The following CUX1 variants were observed in gnomAD, a reference collection of about 807,000 sequenced individuals.
CUX1 encodes cut like homeobox 1, also known as protein CASP.
A neutral mutation model predicts 158.8 loss-of-function variants in CUX1; 31 were observed. That is an observed-to-expected ratio of 0.20 (90% CI 0.15 to 0.26). CUX1 has a LOEUF of 0.26. Ranked by LOEUF, CUX1 falls within the 10% of genes least tolerant of loss-of-function variation. The probability of loss-of-function intolerance (pLI) is 1.00; values close to 1 mark genes in which losing one functional copy is unlikely to be tolerated. For missense variants in CUX1, 1,589 were observed against 2,014.6 expected (o/e 0.79, Z 4.04); for synonymous variants, 879 against 862.1 (o/e 1.02, Z -0.34).
In CUX1 at chr7:102,255,003, T is replaced by C. The variant is rs1176770384; in HGVS notation, c.*5961T>C. The C allele has an allele frequency of 2.0e-6, 2 of 985,262 alleles. No individual in the cohort carries two copies. The highest frequency in any genetic ancestry group is 2.4e-6 in the Non-Finnish European group (2 of 829,972). The allele number at this position is 985,262 out of a possible 1,614,324, so 61.0% of individuals were successfully genotyped here. On this transcript the variant is annotated 3_prime_UTR_variant, in exon 24 of 24. Transcript: ENST00000292535. ...GCTGAAAGTTAAGTCCACCAACCCT[T>C]GGGCTTAATCAGGACGGAAGAGGAG...
rs1820270642 is a variant in CUX1, at chr7:102,028,199, CT to C, written c.189+59del. 5 of 1,575,394 alleles carry C rather than the reference CT, an allele frequency of 3.2e-6. No homozygotes were observed. The South Asian group carries it at 5.6e-5, about 18-fold the overall frequency. On this transcript the variant is annotated intron_variant, in intron 3 of 23. Coordinates refer to ENST00000292535, the MANE Select transcript of CUX1 (RefSeq NM_181552.4). ...GAGCCACCCTTCGTGGCTAATTGGT[CT>C]TTTTATTCACATTAAAGAAATGCTC... is the stretch of plus-strand genomic sequence containing the variant.
chr7:102,000,594 G>A (rs1044286668), intron 2 of CUX1, among the ~76,000 whole-genome samples: 5 of 152,162 alleles, frequency 3.3e-5, no homozygotes, highest in East Asian at 1.9e-4. Context: ...GCCAGATCCC[G>A]TGGGCACGTT....
At chr7:102,070,523 A>G in intron 4 of CUX1, 106 bp downstream of exon 4, 5 of 776,638 alleles carry the variant, frequency 6.4e-6, no homozygotes, top group South Asian at 6.4e-5. Context: ...TAAATACACC[A>G]TCAGTGGCAA....
At chr7:102,231,159 A>C (rs1798942113) in intron 21 of CUX1, among the ~76,000 whole-genome samples, 1 of 150,988 alleles carries the variant, frequency 6.6e-6, no homozygotes, top group Admixed American at 6.6e-5. Flanking sequence ...CCTCCCAAGT[A>C]GCTGGGACTA....
chr7:102,189,416 C>G (rs772683304), intron 11 of CUX1, among the ~76,000 whole-genome samples: 1 of 136,156 alleles, frequency 7.3e-6, no homozygotes, highest in Non-Finnish European at 1.5e-5. Flanking sequence ...GAGGTAGGGT[C>G]TCCACTCCTC....
At chr7:102,263,578 A>G (rs1391009240) in intron 14 of CUX1, among the ~76,000 whole-genome samples, 1 of 151,972 alleles carries the variant, frequency 6.6e-6, no homozygotes, top group Non-Finnish European at 1.5e-5. Flanking sequence ...AGCCTCCCAT[A>G]GTGCTGGGAT....
intron 18 of CUX1, chr7:102,279,992 GC>G: frequency 7.5e-7 from 1 of 1,330,142 alleles, no homozygotes. Flanking sequence ...TTCCCGCTGG[GC>G]CCCAAGGCAC....
Position 102,116,766 on chromosome 7 carries a change from C to T in CUX1, c.674+1493C>T, listed in dbSNP as rs186145879. On this transcript the variant is annotated intron_variant, in intron 8 of 23. Coordinates refer to ENST00000292535, the MANE Select transcript of CUX1 (RefSeq NM_181552.4). ...AGAGGGCAGTGGCTCTCTTGGGGTG[C>T]GCCCCACCTGCCCTCTGAAGTAAGA... Among the ~76,000 whole-genome samples, 60 of 152,278 alleles carry T rather than the reference C, an allele frequency of 3.9e-4. 1 individual carries two copies. Among genetic ancestry groups the T allele is most frequent in the Admixed American group, 5.9e-4 (9 of 15,300 alleles).
chr7:102,099,284 G>A (rs1585665145), intron 5 of CUX1, among the ~76,000 whole-genome samples: 2 of 152,238 alleles, frequency 1.3e-5, no homozygotes, highest in African/African-American at 2.4e-5. Context: ...AGGACTAGAA[G>A]GGACAACTCT....
intron 20 of CUX1, among the ~76,000 whole-genome samples, chr7:102,216,832 C>A (rs1797267382): frequency 1.3e-5 from 2 of 148,914 alleles, no homozygotes; most frequent in Non-Finnish European, 3.0e-5. Flanking sequence ...CCACCACACA[C>A]ACACACACAT....
intron 18 of CUX1, among the ~76,000 whole-genome samples, chr7:102,279,632 G>A (rs1197375891): frequency 6.6e-6 from 1 of 152,150 alleles, no homozygotes; most frequent in African/African-American, 2.4e-5. Context: ...CCGCTCCTTG[G>A]CCACCAGAGG....
At chr7:102,106,270 A>G (rs1461344933) in intron 6 of CUX1, among the ~76,000 whole-genome samples, 4 of 151,574 alleles carry the variant, frequency 2.6e-5, no homozygotes, top group Non-Finnish European at 5.9e-5. Context: ...TTGCATTTTT[A>G]GTAGAGACGG....
chr7:102,039,866 G>A (rs1821869994), intron 3 of CUX1, among the ~76,000 whole-genome samples: 1 of 152,070 alleles, frequency 6.6e-6, no homozygotes, highest in African/African-American at 2.4e-5. Flanking sequence ...CAGGTTAACT[G>A]TGAATTTCAT....
chr7:102,196,129 G>A (rs1794773681), intron 14 of CUX1, among the ~76,000 whole-genome samples: 1 of 152,220 alleles, frequency 6.6e-6, no homozygotes, highest in Non-Finnish European at 1.5e-5. Context: ...CTGGTAAAAC[G>A]CGTACAGGTG....
At position 101,970,481 on chromosome 7, in the gene CUX1, GA is replaced by G. The variant is rs373664383; in HGVS notation, c.141+54258del. On this transcript the variant is annotated intron_variant, in intron 2 of 23. Coordinates refer to ENST00000292535, the MANE Select transcript of CUX1 (RefSeq NM_181552.4). ...GGTTTGCACACACCCCAGGATTGCA[GA>G]ACCTGAGCTCGAGGAGTGGGACATG... is the stretch of plus-strand genomic sequence containing the variant. Among the ~76,000 whole-genome samples the G allele has an allele frequency of 5.2e-3, 789 of 152,296 alleles. 6 individuals are homozygous for G. The highest frequency in any genetic ancestry group is 0.018 in the African/African-American group (755 of 41,568).
At chr7:102,018,270 G>A (rs921858419) in intron 2 of CUX1, among the ~76,000 whole-genome samples, 1 of 152,182 alleles carries the variant, frequency 6.6e-6, no homozygotes, top group South Asian at 2.1e-4. Context: ...CAGAGGTTTC[G>A]ACATGAGCAG....
chr7:101,817,430 C>A, upstream of CUX1: 1 of 984,522 alleles, frequency 1.0e-6, no homozygotes, highest in Non-Finnish European at 1.2e-6. This position sits in a 1 kb window ranked among gnomAD's most constrained non-coding sequence, Gnocchi z 4.1. Context: ...CCGTGGCATG[C>A]CGGGCGGTGG....
At chr7:101,832,564 C>A (rs781723193) in intron 1 of CUX1, among the ~76,000 whole-genome samples, 1 of 152,154 alleles carries the variant, frequency 6.6e-6, no homozygotes, top group African/African-American at 2.4e-5. Flanking sequence ...GTGACTCACG[C>A]GGGGAGTTGG....
intron 18 of CUX1, chr7:102,278,119 C>T (rs1046745092): frequency 5.6e-5 from 74 of 1,331,778 alleles, no homozygotes; most frequent in Middle Eastern, 1.9e-4. Context: ...GGAGAGAGGC[C>T]GATCAGGGCT....
Sources: allele counts gnomAD v4.1 joint callset (sites outside exome capture counted in the v4.1 genomes callset), GRCh38; gene constraint gnomAD v4.1.1; non-coding constraint Gnocchi (gnomAD v3.1); transcripts MANE v1.5; gene names NCBI Gene and HGNC (gene_info 2026-07-23, HGNC 2026-07-21).